Variants in SPAST observed in about 807,000 individuals in gnomAD.
SPAST encodes the protein spastin, also known as spastic paraplegia 4 (autosomal dominant; spastin).
Under a neutral mutation model 76.6 loss-of-function variants are expected in SPAST, and 30 were observed. The ratio of observed to expected loss-of-function variants is 0.39; its 90% CI spans 0.29 to 0.53. The LOEUF (loss-of-function observed/expected upper bound fraction) is 0.53. Among genes scored for constraint, SPAST ranks in the 20% least tolerant of loss-of-function variants. The pLI is 0.68. For missense variants in SPAST, 717 were observed against 770.5 expected (o/e 0.93, Z 0.82); for synonymous variants, 305 against 281.0 (o/e 1.09, Z -0.86).
At chr2:32,084,480 G>A (rs1677390462) in intron 1 of SPAST, among the ~76,000 whole-genome samples, 1 of 151,976 alleles carries the variant, frequency 6.6e-6, no homozygotes, top group South Asian at 2.1e-4. Context: ...TATTTCTTAA[G>A]CATATATCTT....
At chr2:32,072,845 G>C (rs1033042016) in intron 1 of SPAST, among the ~76,000 whole-genome samples, 20 of 152,134 alleles carry the variant, frequency 1.3e-4, no homozygotes, top group African/African-American at 3.9e-4. Flanking sequence ...TTTCAGACTT[G>C]CTTTCTTTGG....
rs755460192 is a variant in SPAST, at chr2:32,147,232, C to G, written c.1702C>G (p.Gln568Glu). 6.2e-7 allele frequency: 1 copy of G among 1,606,822 alleles called. No individual in the cohort carries two copies. The highest frequency in any genetic ancestry group is 8.5e-7 in the Non-Finnish European group (1 of 1,174,590). ...ATGTTTTACAGAACTAAAACCAGAACAGGTGAAGAATATGTCTGCCAGTGA... is the reference window on the plus strand; with the variant it reads ...ATGTTTTACAGAACTAAAACCAGAAGAGGTGAAGAATATGTCTGCCAGTGA... Reference protein sequence around the residue: ...LGPIRELKPEQVKNMSASEMR... With the variant: ...LGPIRELKPEEVKNMSASEMR... The change falls in exon 16 of 17, where the codon CAG (glutamine) becomes GAG (glutamate). Residue 568 changes from glutamine (Q) to glutamate (E), a missense_variant. Physicochemically the swap from Gln to Glu is conservative, Grantham distance 29. Around this residue, in one of 3 missense-constraint regions of SPAST, gnomAD observed 96 missense variants for 127.6 expected, o/e 0.75. Transcript: ENST00000315285.
chr2:32,136,519 A>G (rs1474893527), intron 9 of SPAST, 44 bp from the exon 10 acceptor site: 2 of 1,333,826 alleles, frequency 1.5e-6, no homozygotes, highest in African/African-American at 1.4e-5. Flanking sequence ...AAACTGGAAT[A>G]ATGTTGCATT....
At chr2:32,152,522 A>G (rs1437213553) in intron 16 of SPAST, among the ~76,000 whole-genome samples, 2 of 152,290 alleles carry the variant, frequency 1.3e-5, no homozygotes, top group East Asian at 3.9e-4. Flanking sequence ...ATGCCACTGC[A>G]CTCCAGCCTG....
chr2:32,093,572 C>T (rs932619614), intron 3 of SPAST, among the ~76,000 whole-genome samples: 1 of 152,102 alleles, frequency 6.6e-6, no homozygotes, highest in Non-Finnish European at 1.5e-5. Flanking sequence ...TATTTGTCAC[C>T]TTCTAATAAA....
At chr2:32,084,262 G>A (rs1041441923) in intron 1 of SPAST, among the ~76,000 whole-genome samples, 1 of 151,482 alleles carries the variant, frequency 6.6e-6, no homozygotes, top group Non-Finnish European at 1.5e-5. Context: ...CTGGGTTCAC[G>A]CCATTCTCCT....
At chr2:32,118,578 C>A (rs940355242) in intron 7 of SPAST, among the ~76,000 whole-genome samples, 4 of 152,160 alleles carry the variant, frequency 2.6e-5, no homozygotes, top group South Asian at 2.1e-4. Flanking sequence ...AAAAAGCTTG[C>A]TTAAAGAGGA....
At chr2:32,094,619 G>A (rs1221657556) in intron 3 of SPAST, among the ~76,000 whole-genome samples, 6 of 152,168 alleles carry the variant, frequency 3.9e-5, no homozygotes, top group Admixed American at 2.6e-4. Context: ...GGCTGTAAAG[G>A]CCACCATGAG....
At chr2:32,154,051 C>T (rs1680173185) in intron 16 of SPAST, among the ~76,000 whole-genome samples, 1 of 152,064 alleles carries the variant, frequency 6.6e-6, no homozygotes, top group African/African-American at 2.4e-5. Flanking sequence ...TTCTTTTTTT[C>T]TCTTTGTCTG....
rs1459367839 is a variant in SPAST, at chr2:32,087,521, T to C, written c.445T>C (p.Tyr149His). Residue 149 changes from tyrosine (Y) to histidine (H), a missense_variant, in exon 2 of 17, where the codon TAT (tyrosine) becomes CAT (histidine). This residue lies in a region of SPAST where 543 missense variants were observed against 445.2 expected (regional missense o/e 1.22). Coordinates refer to ENST00000315285, the MANE Select transcript of SPAST (RefSeq NM_014946.4). Reference sequence around the variant, plus strand: ...ACAGAAGGAGCAAGCTGTGGAATGGTATAAGAAAGGTATTGAAGAACTGGA... The same window carrying C: ...ACAGAAGGAGCAAGCTGTGGAATGGCATAAGAAAGGTATTGAAGAACTGGA... ...AGQKEQAVEW[Y>H]KKGIEELEKG... The C allele has an allele frequency of 1.2e-6, 2 of 1,608,144 alleles. No homozygotes were observed. Among genetic ancestry groups the C allele is most frequent in the African/African-American group, 2.7e-5 (2 of 74,758 alleles).
intron 1 of SPAST, among the ~76,000 whole-genome samples, chr2:32,070,701 C>T (rs1676714453): frequency 6.6e-6 from 1 of 152,128 alleles, no homozygotes; most frequent in South Asian, 2.1e-4. Context: ...ACCATCTTAG[C>T]TCATTGAAGC....
chr2:32,086,587 C>G (rs1249328989), intron 1 of SPAST, among the ~76,000 whole-genome samples: 1 of 151,784 alleles, frequency 6.6e-6, no homozygotes, highest in African/African-American at 2.4e-5. Flanking sequence ...AAAACCCCGT[C>G]TTTATACTTA....
In SPAST at chr2:32,116,163, C is replaced by CA; in HGVS notation, c.1053dup (p.Gln352ThrfsTer15). 6.2e-7 allele frequency: 1 copy of CA among 1,613,446 alleles called. No individual in the cohort carries two copies. The highest frequency in any genetic ancestry group is 8.5e-7 in the Non-Finnish European group (1 of 1,179,622). On this transcript the variant is annotated frameshift_variant, in exon 7 of 17. Transcript: ENST00000315285. LOFTEE classifies it high-confidence loss of function. Reference sequence around the variant, plus strand: ...GATGATATAGCTGGTCAAGACTTGGCAAAACAAGCATTGCAAGAAATTGTT... The same window carrying CA: ...GATGATATAGCTGGTCAAGACTTGGCAAAAACAAGCATTGCAAGAAATTGTT...
intron 12 of SPAST, among the ~76,000 whole-genome samples, chr2:32,141,216 C>T (rs566221688): frequency 2.6e-5 from 4 of 152,168 alleles, no homozygotes; most frequent in Non-Finnish European, 5.9e-5. Context: ...TTGGTCACTG[C>T]AAGACATTGT....
chr2:32,085,846 A>C (rs558155632), intron 1 of SPAST, among the ~76,000 whole-genome samples: 1 of 151,690 alleles, frequency 6.6e-6, no homozygotes, highest in South Asian at 2.1e-4. Flanking sequence ...GATCGAGACT[A>C]TCCTGAACAA....
At chr2:32,066,981 AAAAAAAAAAAACC>A (rs869300782) in intron 1 of SPAST, among the ~76,000 whole-genome samples, 27,103 of 105,404 alleles carry the variant, frequency 0.26, 3,248 homozygotes, top group East Asian at 0.5. Flanking sequence ...TCAAAAAAAA[AAAAAAAAAAAACC>A]AAAAAAAAAA....
chr2:32,070,818 T>C (rs1453175024), intron 1 of SPAST, among the ~76,000 whole-genome samples: 1 of 152,178 alleles, frequency 6.6e-6, no homozygotes, highest in Non-Finnish European at 1.5e-5. Flanking sequence ...TTTGTAGAGA[T>C]GGTGATCTTG....
chr2:32,087,531 G>T lies in SPAST; in HGVS notation c.455G>T (p.Gly152Val). ...KEQAVEWYKKGIEELEKGIAV... is the reference protein window; with the variant it reads ...KEQAVEWYKKVIEELEKGIAV... ...CAAGCTGTGGAATGGTATAAGAAAGGTATTGAAGAACTGGAAAAAGGAATA... is the reference window on the plus strand; with the variant it reads ...CAAGCTGTGGAATGGTATAAGAAAGTTATTGAAGAACTGGAAAAAGGAATA... The change falls in exon 2 of 17, where the codon GGT (glycine) becomes GTT (valine). Residue 152 changes from glycine (G) to valine (V), a missense_variant. By Grantham distance (109) the Gly-to-Val change is moderately radical (BLOSUM62 -3). Around this residue, in one of 3 missense-constraint regions of SPAST, gnomAD observed 543 missense variants for 445.2 expected, o/e 1.22. Coordinates refer to ENST00000315285, the MANE Select transcript of SPAST (RefSeq NM_014946.4). 3 of 1,609,322 alleles carry T rather than the reference G, an allele frequency of 1.9e-6. No homozygotes were observed. The highest frequency in any genetic ancestry group is 2.5e-6 in the Non-Finnish European group (3 of 1,176,554).
chr2:32,084,260 A>C (rs1677380281), intron 1 of SPAST, among the ~76,000 whole-genome samples: 2 of 151,612 alleles, frequency 1.3e-5, no homozygotes, highest in African/African-American at 4.8e-5. Flanking sequence ...TCCTGGGTTC[A>C]CGCCATTCTC....
Sources: gnomAD v4.1 joint callset for allele counts (sites outside exome capture counted in the v4.1 genomes callset) on GRCh38, gnomAD v4.1.1 for gene constraint, gnomAD v4.1.1 regional missense constraint, MANE v1.5 for transcripts, NCBI Gene and HGNC (gene_info 2026-07-23, HGNC 2026-07-21) for gene names.